The following AOAH variants were observed in gnomAD, a reference collection of about 807,000 sequenced individuals.
AOAH encodes the protein acyloxyacyl hydrolase.
AOAH carries 64 observed loss-of-function variants against 92.2 expected under a neutral mutation model. The ratio of observed to expected loss-of-function variants is 0.69; its 90% CI spans 0.57 to 0.86. AOAH has a LOEUF of 0.86. Ranked by LOEUF, AOAH falls within the 40% of genes least tolerant of loss-of-function variation. The pLI is 0.00. For missense variants in AOAH, 656 were observed against 694.6 expected, an observed-to-expected ratio of 0.94 and a Z score of 0.62; for synonymous variants, 263 against 254.5, an observed-to-expected ratio of 1.03 and a Z score of -0.32.
chr7:36,716,853 T>C (rs1487782099), intron 1 of AOAH, among the ~76,000 whole-genome samples: 7 of 151,880 alleles, frequency 4.6e-5, no homozygotes, highest in Non-Finnish European at 1.0e-4. Flanking sequence ...GGGATAGCAT[T>C]AGGAGATATA....
chr7:36,618,723 G>A (rs1186342488), intron 9 of AOAH, among the ~76,000 whole-genome samples: 2 of 152,208 alleles, frequency 1.3e-5, no homozygotes, highest in Non-Finnish European at 2.9e-5. Context: ...GACATCTTCA[G>A]TACCTAAGAT....
Position 36,532,292 on chromosome 7 carries a change from G to A in AOAH, c.1359C>T (p.Cys453=). 1.9e-6 allele frequency: 3 copies of A among 1,614,174 alleles called. No individual in the cohort carries two copies. Among genetic ancestry groups the A allele is most frequent in the Non-Finnish European group, 2.5e-6 (3 of 1,180,024 alleles). ...CAAGCCAGTGAGTGCTCACCTGGAGGCAGTTCAGGAAGGAGTACAACTGCG... is the reference window on the plus strand; with the variant it reads ...CAAGCCAGTGAGTGCTCACCTGGAGACAGTTCAGGAAGGAGTACAACTGCG... ...TYAQLYSFLN[C]LQVSPCHGWM... is the part of the protein sequence containing the mutation. The change falls in exon 17 of 21, where the codon TGC becomes TGT. Residue 453 remains cysteine, a synonymous_variant. Transcript: ENST00000617537.
At chr7:36,604,087 T>C (rs1267019411) in intron 11 of AOAH, among the ~76,000 whole-genome samples, 1 of 152,160 alleles carries the variant, frequency 6.6e-6, no homozygotes, top group East Asian at 1.9e-4. Flanking sequence ...GATTCTCACA[T>C]GGGGGCAAGG....
chr7:36,699,026 T>TTC (rs1554320649), intron 1 of AOAH, among the ~76,000 whole-genome samples: 1 of 151,794 alleles, frequency 6.6e-6, no homozygotes, highest in Non-Finnish European at 1.5e-5. Context: ...CATTTTTTTT[T>TTC]ATCCCACATG....
intron 13 of AOAH, among the ~76,000 whole-genome samples, chr7:36,574,634 C>T (rs562357627): frequency 3.5e-4 from 54 of 152,316 alleles, no homozygotes; most frequent in African/African-American, 1.3e-3. Context: ...TCCTATCACT[C>T]AGTGTCTTAC....
At chr7:36,632,256 T>G (rs910178830) in intron 5 of AOAH, 150 bp from the exon 6 acceptor site, 4 of 667,870 alleles carry the variant, frequency 6.0e-6, no homozygotes, top group Non-Finnish European at 1.0e-5. Flanking sequence ...CTCTTGTTCC[T>G]GTCCCCACCA....
At chr7:36,711,437 T>G (rs1554325579) in intron 1 of AOAH, among the ~76,000 whole-genome samples, 1 of 152,150 alleles carries the variant, frequency 6.6e-6, no homozygotes. Context: ...TATTGCTCAC[T>G]GTGTGACCTT....
chr7:36,616,590 C>T, intron 10 of AOAH, 116 bp from the exon 11 acceptor site: 1 of 792,052 alleles, frequency 1.3e-6, no homozygotes, highest in Non-Finnish European at 2.1e-6. Flanking sequence ...AGCATTTTCA[C>T]AGTAATGCAT....
Position 36,576,660 on chromosome 7 carries a change from A to C in AOAH, c.939-4T>G, listed in dbSNP as rs1788522496. The C allele has an allele frequency of 4.1e-6, 6 of 1,455,104 alleles. No individual in the cohort carries two copies. Among genetic ancestry groups the C allele is most frequent in the Non-Finnish European group, 5.7e-6 (6 of 1,047,620 alleles). 90.1% of individuals were successfully genotyped at this position (1,455,104 alleles called of 1,614,324 possible). ...GTAAATAGATTTTTCTTTAATTCTG[A>C]AACAAATATATATGTATATATTTAA... is the stretch of plus-strand genomic sequence containing the variant. On this transcript the variant is annotated splice_polypyrimidine_tract_variant and splice_region_variant and intron_variant, in intron 12 of 20. Transcript: ENST00000617537.
chr7:36,588,278 C>G (rs924328790), intron 12 of AOAH, among the ~76,000 whole-genome samples: 1 of 152,170 alleles, frequency 6.6e-6, no homozygotes, highest in African/African-American at 2.4e-5. Flanking sequence ...CCATCTGTAC[C>G]AATGGCTACA....
At chr7:36,703,704 T>C (rs1178133258) in intron 1 of AOAH, among the ~76,000 whole-genome samples, 2 of 152,200 alleles carry the variant, frequency 1.3e-5, no homozygotes, top group Non-Finnish European at 2.9e-5. Flanking sequence ...TTCATCCATG[T>C]CCCTGCAAAG....
chr7:36,665,295 G>A (rs1795464461), intron 3 of AOAH, among the ~76,000 whole-genome samples: 1 of 152,148 alleles, frequency 6.6e-6, no homozygotes, highest in African/African-American at 2.4e-5. Flanking sequence ...ATTTCTAGAG[G>A]TGATAATGTA....
chr7:36,585,550 C>T (rs2392450), intron 12 of AOAH, among the ~76,000 whole-genome samples: 36,103 of 151,968 alleles, frequency 0.24, 5,373 homozygotes, highest in African/African-American at 0.42. Context: ...TGCAGCATTA[C>T]GAAGAATAAT....
intron 19 of AOAH, among the ~76,000 whole-genome samples, chr7:36,522,885 C>G (rs1028990204): frequency 6.6e-6 from 1 of 152,272 alleles, no homozygotes; most frequent in African/African-American, 2.4e-5. Context: ...AGATTCCTCC[C>G]GTTCTTTACT....
intron 5 of AOAH, among the ~76,000 whole-genome samples, chr7:36,633,799 A>G (rs748814123): frequency 7.2e-5 from 11 of 152,124 alleles, no homozygotes; most frequent in Non-Finnish European, 1.3e-4. Flanking sequence ...AAGAGACCCC[A>G]AGGCCCTATC....
At chr7:36,651,550 T>C (rs1220377189) in intron 4 of AOAH, among the ~76,000 whole-genome samples, 2 of 152,238 alleles carry the variant, frequency 1.3e-5, no homozygotes, top group Non-Finnish European at 2.9e-5. Flanking sequence ...AAAGTTGGGA[T>C]ATTGTGCAAG....
intron 13 of AOAH, among the ~76,000 whole-genome samples, chr7:36,575,997 T>A (rs1255179322): frequency 6.6e-6 from 1 of 152,178 alleles, no homozygotes; most frequent in African/African-American, 2.4e-5. Flanking sequence ...TGGCAACACA[T>A]ACACTGTTTA....
chr7:36,633,098 G>A (rs535242641), intron 5 of AOAH, among the ~76,000 whole-genome samples: 10 of 152,226 alleles, frequency 6.6e-5, no homozygotes, highest in African/African-American at 1.7e-4. Flanking sequence ...CTAGGAACCT[G>A]GAGGAGAATG....
intron 13 of AOAH, among the ~76,000 whole-genome samples, chr7:36,571,552 C>G (rs1788149237): frequency 6.6e-6 from 1 of 152,358 alleles, no homozygotes; most frequent in South Asian, 2.1e-4. Context: ...CCTGAGCCCA[C>G]TCCCCAGGCT....
Sources: gnomAD v4.1 joint callset for allele counts (sites outside exome capture counted in the v4.1 genomes callset) on GRCh38, gnomAD v4.1.1 for gene constraint, MANE v1.5 for transcripts, NCBI Gene and HGNC (gene_info 2026-07-23, HGNC 2026-07-21) for gene names.